AFF2: variants seen among roughly 807,000 people sequenced by gnomAD.
AFF2 encodes the protein AF4/FMR2 family member 2.
A neutral mutation model predicts 76.9 loss-of-function variants in AFF2; 14 were observed. That is an observed-to-expected ratio of 0.18 (90% CI 0.12 to 0.28). AFF2 has a LOEUF of 0.28. Among genes scored for constraint, AFF2 ranks in the 10% least tolerant of loss-of-function variants. The pLI is 1.00. For synonymous variants in AFF2, 398 were observed against 366.7 expected, an observed-to-expected ratio of 1.09 and a Z score of -0.98; for missense variants, 868 against 1,001.1, an observed-to-expected ratio of 0.87 and a Z score of 1.79.
intron 1 of AFF2, among the ~76,000 whole-genome samples, chrX:148,543,479 T>C (rs2052884036): frequency 9.0e-6 from 1 of 111,017 alleles, no homozygotes. Context: ...CCTAATCTTA[T>C]AGACAAGGAA....
intron 7 of AFF2, among the ~76,000 whole-genome samples, chrX:148,880,777 C>A (rs1557278388): frequency 8.9e-6 from 1 of 111,792 alleles, no homozygotes. Context: ...AACACTGGTT[C>A]TGTCTCCAAC....
chrX:148,743,077 G>A (rs1374952833), intron 3 of AFF2, among the ~76,000 whole-genome samples: 3 of 111,742 alleles, frequency 2.7e-5, no homozygotes, highest in African/African-American at 9.8e-5. Flanking sequence ...AAACGTTCAG[G>A]CTCACTTTCT....
At chrX:148,879,025 A>G (rs1308323198) in intron 7 of AFF2, among the ~76,000 whole-genome samples, 1 of 112,180 alleles carries the variant, frequency 8.9e-6, no homozygotes, top group Non-Finnish European at 1.9e-5. Flanking sequence ...AAGGAATTCC[A>G]AGGTTGAAGA....
intron 3 of AFF2, among the ~76,000 whole-genome samples, chrX:148,780,797 G>A (rs1217767836): frequency 1.8e-5 from 2 of 111,673 alleles, no homozygotes; most frequent in Non-Finnish European, 1.9e-5. Context: ...CCTTGCTGGC[G>A]AGGAGTTGTG....
chrX:148,538,834 T>A (rs2052819955), intron 1 of AFF2, among the ~76,000 whole-genome samples: 2 of 111,801 alleles, frequency 1.8e-5, no homozygotes, highest in South Asian at 7.4e-4. Flanking sequence ...AGATTCCAGA[T>A]CTGAACCTAG....
chrX:148,854,672 A>G (rs2070767185), intron 7 of AFF2, among the ~76,000 whole-genome samples: 1 of 111,588 alleles, frequency 9.0e-6, no homozygotes, highest in Non-Finnish European at 1.9e-5. Flanking sequence ...AGCTGAGATC[A>G]TATTGATGCT....
At chrX:148,804,249 C>T (rs2070098096) in intron 3 of AFF2, among the ~76,000 whole-genome samples, 1 of 111,900 alleles carries the variant, frequency 8.9e-6, no homozygotes, top group Admixed American at 9.5e-5. Flanking sequence ...GAGGCTCAAA[C>T]AAGTTCGAGT....
chrX:148,766,402 T>C (rs2069517573), intron 3 of AFF2, among the ~76,000 whole-genome samples: 1 of 109,916 alleles, frequency 9.1e-6, no homozygotes, highest in Non-Finnish European at 1.9e-5. Flanking sequence ...CCATTCTAAC[T>C]GGTGTGAGAT....
chrX:148,898,768 A>C (rs1450409847), intron 8 of AFF2, among the ~76,000 whole-genome samples: 1 of 111,785 alleles, frequency 8.9e-6, no homozygotes, highest in African/African-American at 3.2e-5. Flanking sequence ...TTGCCTAGTC[A>C]TTCTTGATTC....
At chrX:148,825,460 G>A (rs781832193) in intron 4 of AFF2, among the ~76,000 whole-genome samples, 5 of 111,576 alleles carry the variant, frequency 4.5e-5, no homozygotes, top group African/African-American at 6.5e-5. Context: ...TATTTTCAAA[G>A]GGTCACTTTG....
At chrX:148,638,018 G>A (rs932710550) in intron 1 of AFF2, among the ~76,000 whole-genome samples, 2 of 110,580 alleles carry the variant, frequency 1.8e-5, no homozygotes, top group Admixed American at 1.9e-4. Context: ...ACTCTCGGAG[G>A]TCTTTCCACC....
rs781863516 is a variant in AFF2 at position 148,896,144 on chromosome X, C to G, written c.1360-8077C>G. Among the ~76,000 whole-genome samples, 3 of 111,392 alleles carry G rather than the reference C, an allele frequency of 2.7e-5. No individual in the cohort carries two copies. In the East Asian group the frequency reaches 8.6e-4, roughly 32 times the overall value. On this transcript the variant is annotated intron_variant, in intron 8 of 20. Transcript: ENST00000370460. ...TCTTTATTCCTCTTTACTGCATCTGCAGAGAAACAACGTGCTAGATACAAC... is the reference window on the plus strand; with the variant it reads ...TCTTTATTCCTCTTTACTGCATCTGGAGAGAAACAACGTGCTAGATACAAC...
At chrX:148,862,772 A>C (rs1406083158) in intron 7 of AFF2, among the ~76,000 whole-genome samples, 1 of 112,420 alleles carries the variant, frequency 8.9e-6, no homozygotes, top group African/African-American at 3.2e-5. Flanking sequence ...CATTTTAATT[A>C]CTTTATTGAC....
At chrX:148,519,735 C>CAT (rs1485809528) in intron 1 of AFF2, among the ~76,000 whole-genome samples, 4 of 111,352 alleles carry the variant, frequency 3.6e-5, no homozygotes, top group African/African-American at 9.8e-5. Context: ...TATATACAAA[C>CAT]ATATATATAA....
intron 16 of AFF2, among the ~76,000 whole-genome samples, chrX:148,974,348 AC>A (rs1402208436): frequency 9.0e-6 from 1 of 110,700 alleles, no homozygotes; most frequent in East Asian, 2.8e-4. Flanking sequence ...AATTTAATCC[AC>A]CCCTGAATAG....
At chrX:148,620,186 G>A (rs2053851974) in intron 1 of AFF2, among the ~76,000 whole-genome samples, 1 of 111,043 alleles carries the variant, frequency 9.0e-6, no homozygotes, top group African/African-American at 3.3e-5. Flanking sequence ...GTTGCATAAA[G>A]TAAGGCTTGT....
chrX:148,520,039 A>G (rs2052578060), intron 1 of AFF2, among the ~76,000 whole-genome samples: 1 of 112,336 alleles, frequency 8.9e-6, no homozygotes, highest in South Asian at 3.7e-4. Flanking sequence ...GACTTTAACT[A>G]TCTAACAATT....
At chrX:148,666,559 C>T (rs892473259) in intron 3 of AFF2, among the ~76,000 whole-genome samples, 22 of 107,631 alleles carry the variant, frequency 2.0e-4, no homozygotes, top group East Asian at 5.8e-4. Flanking sequence ...CACTCCAGCC[C>T]GGTGACAAAG....
rs141781618 is a variant in AFF2, at chrX:148,656,851, T to G, written c.180+4720T>G. Among the ~76,000 whole-genome samples, 554 of 111,509 alleles carry G rather than the reference T, an allele frequency of 5.0e-3. 11 individuals carry two copies. The highest frequency in any genetic ancestry group is 0.032 in the Admixed American group (333 of 10,534). Reference sequence around the variant, plus strand: ...ATGGCTTCTTTGCATTTTCATATCCTTATACATGGCGAATTTAGACCTTGC... The same window carrying G: ...ATGGCTTCTTTGCATTTTCATATCCGTATACATGGCGAATTTAGACCTTGC... On this transcript the variant is annotated intron_variant, in intron 2 of 20. Transcript: ENST00000370460.
Sources: allele counts gnomAD v4.1 joint callset (sites outside exome capture counted in the v4.1 genomes callset), GRCh38; gene constraint gnomAD v4.1.1; transcripts MANE v1.5; gene names NCBI Gene and HGNC (gene_info 2026-07-23, HGNC 2026-07-21).